Variants in RELN observed in about 807,000 individuals in gnomAD.
The protein encoded by RELN is reelin.
A neutral mutation model predicts 427.6 loss-of-function variants in RELN; 108 were observed. The ratio of observed to expected loss-of-function variants is 0.25; its 90% CI spans 0.22 to 0.30. The LOEUF (loss-of-function observed/expected upper bound fraction) is 0.30. Ranked by LOEUF, RELN falls within the 10% of genes least tolerant of loss-of-function variation. The pLI is 1.00. For synonymous variants in RELN, 1,524 were observed against 1,513.4 expected (o/e 1.01, Z -0.16); for missense variants, 3,715 against 4,302.8 (o/e 0.86, Z 3.82).
rs142403143 is a variant in RELN at position 103,476,369 on chromosome 7, A to G, written c.10286+2020T>C. The stretch of plus-strand genomic sequence containing the variant: ...GTGGTACGCGCCTGTAGTCCCAGCT[A>G]CTTGGGAGGCTGAGGCAGGAGAATT... On this transcript the variant is annotated intron_variant, in intron 64 of 64. Transcript: ENST00000428762. Among the ~76,000 whole-genome samples the G allele has an allele frequency of 5.4e-3, 822 of 152,228 alleles. 10 individuals are homozygous for G. The highest frequency in any genetic ancestry group is 0.018 in the African/African-American group (745 of 41,518).
intron 8 of RELN, among the ~76,000 whole-genome samples, chr7:103,702,825 C>A (rs1387329702): frequency 1.3e-5 from 2 of 152,216 alleles, no homozygotes; most frequent in African/African-American, 2.4e-5. Context: ...GGTTCTCACC[C>A]AGCTAGTGTT....
At chr7:103,606,189 C>T (rs956706742) in intron 22 of RELN, among the ~76,000 whole-genome samples, 26 of 152,268 alleles carry the variant, frequency 1.7e-4, no homozygotes, top group Middle Eastern at 3.4e-3. Flanking sequence ...GTCAAGTCCA[C>T]GGCCACGGGT....
intron 2 of RELN, among the ~76,000 whole-genome samples, chr7:103,834,305 T>C (rs1404007900): frequency 6.6e-6 from 1 of 152,196 alleles, no homozygotes; most frequent in Non-Finnish European, 1.5e-5. Flanking sequence ...AGCAGTCCTA[T>C]TTGCATGGAT....
intron 6 of RELN, among the ~76,000 whole-genome samples, chr7:103,734,943 A>G (rs945012939): frequency 2.0e-5 from 3 of 152,188 alleles, no homozygotes; most frequent in Non-Finnish European, 4.4e-5. Flanking sequence ...TGGACTTCAT[A>G]AAAAACATTA....
rs370091525 is a variant in RELN at position 103,898,768 on chromosome 7, T to G, written c.337+18307A>C. 5.0e-3 allele frequency among the ~76,000 whole-genome samples: 758 copies of G among 152,170 alleles called. 9 individuals carry two copies. The highest frequency in any genetic ancestry group is 0.017 in the African/African-American group (722 of 41,546). On this transcript the variant is annotated intron_variant, in intron 2 of 64. Transcript: ENST00000428762. ...TGAGACTTTTCTATTAGGAAATTGG[T>G]TGTTTAAAAGCTAAAGGCTCCTTTA...
chr7:103,520,287 T>C (rs1379283638), intron 48 of RELN, among the ~76,000 whole-genome samples: 1 of 152,174 alleles, frequency 6.6e-6, no homozygotes, highest in East Asian at 1.9e-4. Context: ...CATTTTATTA[T>C]GATTATTATT....
chr7:103,679,475 G>T (rs1376586866), intron 11 of RELN, among the ~76,000 whole-genome samples: 1 of 152,146 alleles, frequency 6.6e-6, no homozygotes, highest in African/African-American at 2.4e-5. Flanking sequence ...ATATCTTATT[G>T]GAACAGAAAT....
intron 8 of RELN, among the ~76,000 whole-genome samples, chr7:103,708,174 A>G (rs930738037): frequency 1.3e-5 from 2 of 152,182 alleles, no homozygotes; most frequent in Admixed American, 1.3e-4. Flanking sequence ...GTAACTTCCC[A>G]CTTTTGTCAT....
chr7:103,794,760 C>T (rs1329837811), intron 3 of RELN, among the ~76,000 whole-genome samples: 1 of 152,056 alleles, frequency 6.6e-6, no homozygotes, highest in Non-Finnish European at 1.5e-5. Flanking sequence ...CTTTCCTGTG[C>T]ATTGTAGAAT....
At chr7:103,485,603 G>C (rs1341840472) in intron 61 of RELN, among the ~76,000 whole-genome samples, 1 of 152,140 alleles carries the variant, frequency 6.6e-6, no homozygotes, top group East Asian at 1.9e-4. Flanking sequence ...GGGCAGGTAG[G>C]GAAGGAAATT....
intron 6 of RELN, among the ~76,000 whole-genome samples, chr7:103,734,005 G>C (rs1038182422): frequency 1.3e-5 from 2 of 152,134 alleles, no homozygotes; most frequent in African/African-American, 2.4e-5. Flanking sequence ...TTATGGAAAA[G>C]TTCTATGAGT....
intron 2 of RELN, among the ~76,000 whole-genome samples, chr7:103,842,450 C>T (rs1793575052): frequency 6.6e-6 from 1 of 152,082 alleles, no homozygotes; most frequent in African/African-American, 2.4e-5. Flanking sequence ...GGTCAATGTA[C>T]TCAGACATTT....
intron 25 of RELN, 104 bp downstream of exon 25, chr7:103,596,352 T>A: frequency 2.1e-6 from 2 of 958,276 alleles, no homozygotes; most frequent in South Asian, 2.7e-5. Flanking sequence ...TTTTTATAGG[T>A]TTGTCTATTT....
intron 46 of RELN, among the ~76,000 whole-genome samples, chr7:103,529,319 G>A (rs1435912092): frequency 6.6e-6 from 1 of 152,154 alleles, no homozygotes; most frequent in African/African-American, 2.4e-5. Context: ...TTTCCAAAGT[G>A]TAGATAATCT....
intron 11 of RELN, among the ~76,000 whole-genome samples, chr7:103,678,148 TA>T (rs1394800556): frequency 1.4e-5 from 2 of 145,894 alleles, no homozygotes; most frequent in African/African-American, 5.0e-5. Flanking sequence ...GCAATAGCAG[TA>T]AAACAGATTT....
chr7:103,736,506 T>A lies in RELN; in HGVS notation c.657-8299A>T, dbSNP rs183791401. On this transcript the variant is annotated intron_variant, in intron 6 of 64. Coordinates refer to ENST00000428762, the MANE Select transcript of RELN (RefSeq NM_005045.4). The stretch of plus-strand genomic sequence containing the variant: ...ATGACAAACTCCATTTATAGCTCAT[T>A]CTTTCTCATTACTTTTCACTGAGGA... Among the ~76,000 whole-genome samples the A allele has an allele frequency of 2.7e-3, 404 of 152,340 alleles. 1 individual carries two copies. Among genetic ancestry groups the A allele is most frequent in the African/African-American group, 9.3e-3 (388 of 41,584 alleles).
chr7:103,923,353 G>A (rs953347845), intron 1 of RELN, among the ~76,000 whole-genome samples: 1 of 151,776 alleles, frequency 6.6e-6, no homozygotes, highest in Admixed American at 6.6e-5. Flanking sequence ...CATGACCCTC[G>A]CACTACTTCT....
At chr7:103,838,295 GA>G (rs918148388) in intron 2 of RELN, among the ~76,000 whole-genome samples, 3 of 150,006 alleles carry the variant, frequency 2.0e-5, no homozygotes, top group Admixed American at 6.6e-5. Flanking sequence ...AGCAGGACTG[GA>G]AAAAAAACAG....
intron 1 of RELN, among the ~76,000 whole-genome samples, chr7:103,944,161 T>C (rs887968179): frequency 2.6e-5 from 4 of 152,130 alleles, no homozygotes; most frequent in African/African-American, 4.8e-5. Flanking sequence ...AGTGGCCCTA[T>C]AGTAGTGGTA....
Sources: gnomAD v4.1 joint callset for allele counts (sites outside exome capture counted in the v4.1 genomes callset) on GRCh38, gnomAD v4.1.1 for gene constraint, MANE v1.5 for transcripts, NCBI Gene and HGNC (gene_info 2026-07-23, HGNC 2026-07-21) for gene names.